The following KCNMB2 variants were observed in gnomAD, a reference collection of about 807,000 sequenced individuals.
KCNMB2 encodes potassium calcium-activated channel subfamily M regulatory beta subunit 2, also known as calcium-activated potassium channel subunit beta-2.
Under a neutral mutation model 24.5 loss-of-function variants are expected in KCNMB2, and 9 were observed. The ratio of observed to expected loss-of-function variants is 0.37; its 90% confidence interval spans 0.22 to 0.64. The LOEUF is 0.64. KCNMB2 is among the 30% of genes least tolerant of loss of function. The pLI, the probability that KCNMB2 is intolerant of heterozygous loss-of-function variation, is 0.63. For synonymous variants in KCNMB2, 109 were observed against 104.4 expected, an observed-to-expected ratio of 1.04 and a Z score of -0.27; for missense variants, 226 against 284.3, an observed-to-expected ratio of 0.79 and a Z score of 1.47.
At chr3:178,836,685 A>C (rs972969913) in intron 4 of KCNMB2, among the ~76,000 whole-genome samples, 1 of 152,102 alleles carries the variant, frequency 6.6e-6, no homozygotes, top group Non-Finnish European at 1.5e-5. Flanking sequence ...TAAAATATTA[A>C]CATATTTTTT....
At chr3:178,650,368 C>T (rs969566128) in intron 1 of KCNMB2, among the ~76,000 whole-genome samples, 7 of 151,792 alleles carry the variant, frequency 4.6e-5, no homozygotes, top group African/African-American at 9.7e-5. Flanking sequence ...TCCGCTTGAT[C>T]CTGAGTTTAA....
At chr3:178,704,919 A>C (rs1207963560) in intron 1 of KCNMB2, among the ~76,000 whole-genome samples, 2 of 152,112 alleles carry the variant, frequency 1.3e-5, no homozygotes, top group African/African-American at 4.8e-5. Flanking sequence ...AAATTTTCAC[A>C]AGTCTCCAGG....
chr3:178,751,762 G>C (rs562633563), intron 1 of KCNMB2, among the ~76,000 whole-genome samples: 1 of 152,214 alleles, frequency 6.6e-6, no homozygotes, highest in South Asian at 2.1e-4. Context: ...ATCAATCCCT[G>C]AGACTGGATG....
chr3:178,755,323 T>C (rs376909344), intron 1 of KCNMB2, among the ~76,000 whole-genome samples: 1 of 152,254 alleles, frequency 6.6e-6, no homozygotes, highest in Non-Finnish European at 1.5e-5. Context: ...TTTCATATTA[T>C]GTTTATTTTC....
rs532691901 is a variant in KCNMB2 at position 178,756,504 on chromosome 3, T to C, written c.-67-50839T>C. On this transcript the variant is annotated intron_variant, in intron 1 of 4. Transcript: ENST00000452583. ...TCATATATATTTTCACAAATAATTA[T>C]ATGCATTATTTCTTTATAATAACAC... is the stretch of plus-strand genomic sequence containing the variant. 8.5e-5 allele frequency among the ~76,000 whole-genome samples: 13 copies of C among 152,334 alleles called. No homozygotes were observed. In the South Asian group the frequency reaches 1.7e-3, roughly 19 times the overall value.
At chr3:178,648,446 G>T in intron 1 of KCNMB2, among the ~76,000 whole-genome samples, 1 of 152,140 alleles carries the variant, frequency 6.6e-6, no homozygotes, top group East Asian at 1.9e-4. Context: ...GCCTGAGGGG[G>T]AAGATTACTT....
intron 1 of KCNMB2, among the ~76,000 whole-genome samples, chr3:178,661,752 A>G (rs1720537098): frequency 6.6e-6 from 1 of 152,180 alleles, no homozygotes. Flanking sequence ...AAATCTACTG[A>G]ATCAGAATCA....
rs111833461 is a variant in KCNMB2 at position 178,675,850 on chromosome 3, A to G, written c.-67-131493A>G. On this transcript the variant is annotated intron_variant, in intron 1 of 4. Transcript: ENST00000452583. ...ACAGAGAGAAACATGCTTCTTCCCA[A>G]AGTTTCTCCCCCTGTGCAATAACCT... Among the ~76,000 whole-genome samples, 144 of 152,254 alleles carry G rather than the reference A, an allele frequency of 9.5e-4. 1 individual carries two copies. The highest frequency in any genetic ancestry group is 3.2e-3 in the African/African-American group (132 of 41,568).
At chr3:178,611,056 T>C (rs1718464022) in intron 1 of KCNMB2, among the ~76,000 whole-genome samples, 1 of 152,206 alleles carries the variant, frequency 6.6e-6, no homozygotes, top group African/African-American at 2.4e-5. Context: ...GTAGAATTGG[T>C]ATTTATTCTT....
At chr3:178,664,007 G>C (rs2108573854) in intron 1 of KCNMB2, among the ~76,000 whole-genome samples, 1 of 152,224 alleles carries the variant, frequency 6.6e-6, no homozygotes, top group Middle Eastern at 3.4e-3. Context: ...CCATCTAGAG[G>C]GGAGGGAAAA....
At chr3:178,638,067 C>T (rs939298807) in intron 1 of KCNMB2, among the ~76,000 whole-genome samples, 1 of 152,160 alleles carries the variant, frequency 6.6e-6, no homozygotes, top group Admixed American at 6.5e-5. Context: ...GTTACGTCCT[C>T]TTCACCATCA....
intron 1 of KCNMB2, among the ~76,000 whole-genome samples, chr3:178,703,806 C>T (rs1161030162): frequency 6.6e-6 from 1 of 152,162 alleles, no homozygotes; most frequent in Non-Finnish European, 1.5e-5. Flanking sequence ...TAGACCCAAT[C>T]TCTTTCTAAA....
At chr3:178,727,257 A>G (rs923654263) in intron 1 of KCNMB2, among the ~76,000 whole-genome samples, 5 of 152,046 alleles carry the variant, frequency 3.3e-5, no homozygotes, top group Admixed American at 3.3e-4. Context: ...TCTCTTCCCC[A>G]TATTTTTCCC....
At chr3:178,699,991 T>C (rs1722031136) in intron 1 of KCNMB2, among the ~76,000 whole-genome samples, 1 of 152,212 alleles carries the variant, frequency 6.6e-6, no homozygotes, top group Admixed American at 6.5e-5. Context: ...TGAGTCCCAG[T>C]GTGCAATGGC....
chr3:178,834,742 A>G (rs1246576215), intron 4 of KCNMB2, among the ~76,000 whole-genome samples: 1 of 152,078 alleles, frequency 6.6e-6, no homozygotes, highest in Non-Finnish European at 1.5e-5. Context: ...TTTCTTAGAC[A>G]TTTGCTGAAA....
At chr3:178,619,677 G>A (rs756282523) in intron 1 of KCNMB2, among the ~76,000 whole-genome samples, 3 of 152,096 alleles carry the variant, frequency 2.0e-5, no homozygotes, top group Non-Finnish European at 2.9e-5. Context: ...AAAGTAAAAT[G>A]AATTTCATTT....
intron 1 of KCNMB2, among the ~76,000 whole-genome samples, chr3:178,701,345 T>C (rs562126168): frequency 1.3e-5 from 2 of 152,190 alleles, no homozygotes; most frequent in Non-Finnish European, 2.9e-5. Context: ...TACCATGCTG[T>C]TTTGGTTACT....
rs1714262849 is a variant in KCNMB2 at position 178,813,168 on chromosome 3, A to G, written c.56+5703A>G. 4.6e-5 allele frequency among the ~76,000 whole-genome samples: 7 copies of G among 152,178 alleles called. No individual in the cohort carries two copies. The South Asian group carries it at 1.5e-3, about 32-fold the overall frequency. ...AAAGTTTTGCATTTAAAAAAAGTGTACATCATTTATTAGATTTATTCCTAA... is the reference window on the plus strand; with the variant it reads ...AAAGTTTTGCATTTAAAAAAAGTGTGCATCATTTATTAGATTTATTCCTAA... On this transcript the variant is annotated intron_variant, in intron 2 of 4. Coordinates refer to ENST00000452583, the MANE Select transcript of KCNMB2 (RefSeq NM_181361.3).
intron 2 of KCNMB2, among the ~76,000 whole-genome samples, chr3:178,812,830 C>T (rs1714249072): frequency 6.6e-6 from 1 of 152,104 alleles, no homozygotes; most frequent in African/African-American, 2.4e-5. Context: ...CACCTCACAA[C>T]AGTTTACAAA....
Sources: allele counts gnomAD v4.1 joint callset (sites outside exome capture counted in the v4.1 genomes callset), GRCh38; gene constraint gnomAD v4.1.1; transcripts MANE v1.5; gene names NCBI Gene and HGNC (gene_info 2026-07-23, HGNC 2026-07-21).